Variants in E2F6 observed in about 807,000 individuals in gnomAD.
The protein encoded by E2F6 is transcription factor E2F6.
E2F6 carries 19 observed loss-of-function variants against 31.5 expected under a neutral mutation model. The ratio of observed to expected loss-of-function variants is 0.60; its 90% CI spans 0.42 to 0.89. The LOEUF (loss-of-function observed/expected upper bound fraction) is 0.89. Ranked by LOEUF, E2F6 falls within the 40% of genes least tolerant of loss-of-function variation. The probability of loss-of-function intolerance (pLI) is 0.00; values close to 1 mark genes in which losing one functional copy is unlikely to be tolerated. For synonymous variants in E2F6, 121 were observed against 127.7 expected (o/e 0.95, Z 0.36); for missense variants, 269 against 341.6 (o/e 0.79, Z 1.67).
At chr2:11,454,722 T>G (rs1671296415) in intron 2 of E2F6, among the ~76,000 whole-genome samples, 1 of 151,694 alleles carries the variant, frequency 6.6e-6, no homozygotes, top group Admixed American at 6.6e-5. Flanking sequence ...AAAAATCCCT[T>G]AATTCCCTCA....
intron 5 of E2F6, 65 bp from the exon 6 acceptor site, chr2:11,447,839 G>T: frequency 6.5e-7 from 1 of 1,544,258 alleles, no homozygotes; most frequent in South Asian, 1.2e-5. Context: ...TCACTCACTA[G>T]AACTGCAAAA....
At chr2:11,463,121 C>G (rs1279122035) in intron 1 of E2F6, among the ~76,000 whole-genome samples, 3 of 152,190 alleles carry the variant, frequency 2.0e-5, no homozygotes, top group African/African-American at 7.2e-5. Flanking sequence ...ATCACGTTCT[C>G]AAATATTAAG....
chr2:11,449,688 C>A (rs1020872114), intron 5 of E2F6, among the ~76,000 whole-genome samples: 5 of 152,124 alleles, frequency 3.3e-5, no homozygotes, highest in African/African-American at 1.2e-4. Flanking sequence ...TAAGATGGGC[C>A]AATTCTTGGT....
At chr2:11,455,429 C>T in intron 2 of E2F6, 1 of 1,291,440 alleles carries the variant, frequency 7.7e-7, no homozygotes, top group South Asian at 1.3e-5. Flanking sequence ...AACAAAGGTA[C>T]ATATTTCATA....
intron 1 of E2F6, among the ~76,000 whole-genome samples, chr2:11,462,869 A>G (rs1351843012): frequency 6.6e-6 from 1 of 152,186 alleles, no homozygotes; most frequent in Non-Finnish European, 1.5e-5. Flanking sequence ...AGTTTGGGGG[A>G]CCACAGGTTA....
intron 4 of E2F6, among the ~76,000 whole-genome samples, chr2:11,450,890 C>T (rs559154278): frequency 2.0e-5 from 3 of 152,164 alleles, no homozygotes; most frequent in East Asian, 1.9e-4. Flanking sequence ...ATCAGTGAGC[C>T]CCTCAAAGGG....
chr2:11,460,045 T>A (rs1034802580), intron 1 of E2F6, among the ~76,000 whole-genome samples: 1 of 152,174 alleles, frequency 6.6e-6, no homozygotes, highest in Non-Finnish European at 1.5e-5. Flanking sequence ...CAAGTCAGCA[T>A]ATTTTTTCAA....
In E2F6 at chr2:11,455,545, AC is replaced by A. The variant is rs1390256999; in HGVS notation, c.163+1633del. The A allele has an allele frequency of 3.1e-6, 3 of 969,244 alleles. No individual in the cohort carries two copies. In the African/African-American group the frequency reaches 5.2e-5, roughly 17 times the overall value. The allele number at this position is 969,244 out of a possible 1,614,324, so 60.0% of individuals were successfully genotyped here. ...ATCGGAAGTAGAGGGTCACAATTCTACAACAAACTCAGGAAGATTACAAATG... is the reference window on the plus strand; with the variant it reads ...ATCGGAAGTAGAGGGTCACAATTCTAAACAAACTCAGGAAGATTACAAATG... On this transcript the variant is annotated intron_variant, in intron 2 of 6. Transcript: ENST00000381525.
chr2:11,463,948 C>CGGTG (rs1553336589), intron 1 of E2F6, among the ~76,000 whole-genome samples: 5 of 71,626 alleles, frequency 7.0e-5, no homozygotes, highest in Admixed American at 1.6e-4. Context: ...GATCCTGCAC[C>CGGTG]GGGGGGGGGG....
At chr2:11,448,194 T>A (rs940701137) in intron 5 of E2F6, among the ~76,000 whole-genome samples, 1 of 152,140 alleles carries the variant, frequency 6.6e-6, no homozygotes, top group Non-Finnish European at 1.5e-5. Context: ...TCAAAATATA[T>A]CTCAAGTAAA....
chr2:11,463,224 C>A (rs1049351165), intron 1 of E2F6, among the ~76,000 whole-genome samples: 1 of 152,110 alleles, frequency 6.6e-6, no homozygotes, highest in Non-Finnish European at 1.5e-5. Flanking sequence ...TTTTCTTTAC[C>A]CGCTGCCACC....
chr2:11,446,489 T>C lies in E2F6; in HGVS notation c.834A>G (p.Glu278=), dbSNP rs770292671. 1.2e-6 allele frequency: 2 copies of C among 1,612,822 alleles called. No homozygotes were observed. The highest frequency in any genetic ancestry group is 2.2e-5 in the South Asian group (2 of 90,880). ...ENPQQSEELL[E]VSN The stretch of plus-strand genomic sequence containing the variant: ...TTCTCAAATGCCATCAGTTGCTTAC[T>C]TCAAGCAATTCTTCACTTTGCTGAG... The change falls in exon 7 of 7, where the codon GAA becomes GAG. Residue 278 remains glutamate, a synonymous_variant. Coordinates refer to ENST00000381525, the MANE Select transcript of E2F6 (RefSeq NM_198256.4).
At position 11,466,132 on chromosome 2, in the gene E2F6, C is replaced by T; in HGVS notation, c.-253G>A. The T allele has an allele frequency of 2.2e-6, 1 of 464,298 alleles. No individual in the cohort carries two copies. The highest frequency in any genetic ancestry group is 4.0e-5 in the East Asian group (1 of 25,134). 28.8% of individuals were successfully genotyped at this position (464,298 alleles called of 1,614,324 possible). On this transcript the variant is annotated 5_prime_UTR_variant, in exon 1 of 7. Coordinates refer to ENST00000381525, the MANE Select transcript of E2F6 (RefSeq NM_198256.4). ...GACCCGCGGATCTCAAGTCGCCCGG[C>T]CCGCCATCTTCCCGCATGCGCAGTA...
chr2:11,446,562 T>G (rs539823662), intron 6 of E2F6, 39 bp from the exon 7 acceptor site: 1 of 1,568,372 alleles, frequency 6.4e-7, no homozygotes, highest in Admixed American at 1.7e-5. Context: ...CCTAAGTGAA[T>G]ACACCTAAGT....
chr2:11,449,204 G>A (rs1031273857), intron 5 of E2F6, among the ~76,000 whole-genome samples: 3 of 152,340 alleles, frequency 2.0e-5, no homozygotes, highest in Non-Finnish European at 4.4e-5. Flanking sequence ...CATAACTTGA[G>A]TGTGACTGAG....
At chr2:11,455,544 T>C (rs551576504) in intron 2 of E2F6, 1 of 965,644 alleles carries the variant, frequency 1.0e-6, no homozygotes, top group East Asian at 6.0e-5. Context: ...GTCACAATTC[T>C]ACAACAAACT....
intron 1 of E2F6, among the ~76,000 whole-genome samples, chr2:11,461,765 C>T (rs1404810278): frequency 6.6e-6 from 1 of 152,176 alleles, no homozygotes; most frequent in Non-Finnish European, 1.5e-5. Flanking sequence ...CCAGGGCACA[C>T]TTAGAAACTT....
rs538267764 is a variant in E2F6, at chr2:11,457,102, A to C, written c.163+77T>G. The C allele has an allele frequency of 2.1e-4, 242 of 1,130,676 alleles. No homozygotes were observed. The African/African-American group carries it at 3.3e-3, about 16-fold the overall frequency. 70.0% of individuals were successfully genotyped at this position (1,130,676 alleles called of 1,614,324 possible). A position where few individuals can be genotyped will look rare whatever the true frequency, so the allele number is the denominator to read the frequency against. ...TTGTATTTCAGTTTCTCATCAACTC[A>C]TACACTTAAACAAATCATTTTAATC... On this transcript the variant is annotated intron_variant, in intron 2 of 6. Transcript: ENST00000381525.
chr2:11,444,752 G>A lies in E2F6; in HGVS notation c.*1725C>T, dbSNP rs1043189014. The A allele has an allele frequency of 9.2e-5, 14 of 152,140 alleles. No homozygotes were observed. Among genetic ancestry groups the A allele is most frequent in the Non-Finnish European group, 2.1e-4 (14 of 68,048 alleles). 9.4% of individuals were successfully genotyped at this position (152,140 alleles called of 1,614,324 possible). Reference sequence around the variant, plus strand: ...ACTACACAGCTCAGACTTTTCCGCTGAGCACCTGACCTACATACACACAAC... The same window carrying A: ...ACTACACAGCTCAGACTTTTCCGCTAAGCACCTGACCTACATACACACAAC... On this transcript the variant is annotated 3_prime_UTR_variant, in exon 7 of 7. Coordinates refer to ENST00000381525, the MANE Select transcript of E2F6 (RefSeq NM_198256.4).
Sources: allele counts gnomAD v4.1 joint callset (sites outside exome capture counted in the v4.1 genomes callset), GRCh38; gene constraint gnomAD v4.1.1; transcripts MANE v1.5; gene names NCBI Gene and HGNC (gene_info 2026-07-23, HGNC 2026-07-21).